OTUD7A: variants seen among roughly 807,000 people sequenced by gnomAD.
The protein encoded by OTUD7A is OTU deubiquitinase 7A.
Under a neutral mutation model 65.7 loss-of-function variants are expected in OTUD7A, and 12 were observed. That is an observed-to-expected ratio of 0.18 (90% CI 0.12 to 0.30). OTUD7A has a LOEUF of 0.30. Ranked by LOEUF, OTUD7A falls within the 10% of genes least tolerant of loss-of-function variation. OTUD7A has a pLI of 1.00. For missense variants in OTUD7A, 1,148 were observed against 1,304.8 expected (o/e 0.88, Z 1.85); for synonymous variants, 641 against 586.3 (o/e 1.09, Z -1.35).
rs2041159452 is a variant in OTUD7A, at chr15:31,483,215, G to A, written c.*79C>T. 2.9e-6 allele frequency: 3 copies of A among 1,037,408 alleles called. No homozygotes were observed. Among genetic ancestry groups the A allele is most frequent in the Non-Finnish European group, 2.3e-6 (2 of 863,610 alleles). The allele number at this position is 1,037,408 out of a possible 1,614,324, so 64.3% of individuals were successfully genotyped here. The stretch of plus-strand genomic sequence containing the variant: ...GGCGCCGGCCTTCCGGTGGACCAGG[G>A]CATGTAAAAAAGACACCGACACAAT... On this transcript the variant is annotated 3_prime_UTR_variant, in exon 13 of 13. Coordinates refer to ENST00000307050, the MANE Select transcript of OTUD7A (RefSeq NM_001382637.1).
At chr15:31,605,326 T>C (rs1466989860) in intron 3 of OTUD7A, among the ~76,000 whole-genome samples, 2 of 152,110 alleles carry the variant, frequency 1.3e-5, no homozygotes, top group African/African-American at 2.4e-5. Context: ...GGACCCTGCA[T>C]CAAAGGAATG....
At chr15:31,584,524 G>T (rs1008967943) in intron 3 of OTUD7A, among the ~76,000 whole-genome samples, 2 of 152,216 alleles carry the variant, frequency 1.3e-5, no homozygotes, top group Non-Finnish European at 2.9e-5. Flanking sequence ...TGCCTGAGCA[G>T]ACAAGTTACA....
chr15:31,612,486 T>C (rs1453566738), intron 3 of OTUD7A, among the ~76,000 whole-genome samples: 2 of 152,188 alleles, frequency 1.3e-5, no homozygotes, highest in Non-Finnish European at 2.9e-5. Flanking sequence ...TTGGTAACTC[T>C]TCTATATACC....
rs1364474137 is a variant in OTUD7A, at chr15:31,481,035, T to C, written c.*2259A>G. On this transcript the variant is annotated 3_prime_UTR_variant, in exon 13 of 13. Coordinates refer to ENST00000307050, the MANE Select transcript of OTUD7A (RefSeq NM_001382637.1). The stretch of plus-strand genomic sequence containing the variant: ...GCCTGGTTTGGAAGGTTTTCCTCTA[T>C]TACAATGGACGGTTTTTATTCTGTT... The C allele has an allele frequency of 2.0e-5, 3 of 152,268 alleles. No individual in the cohort carries two copies. The highest frequency in any genetic ancestry group is 7.2e-5 in the African/African-American group (3 of 41,476). 9.4% of individuals were successfully genotyped at this position (152,268 alleles called of 1,614,324 possible). A position where few individuals can be genotyped will look rare whatever the true frequency, so the allele number is the denominator to read the frequency against.
intron 1 of OTUD7A, among the ~76,000 whole-genome samples, chr15:31,753,929 A>G (rs1260010054): frequency 6.6e-6 from 1 of 151,748 alleles, no homozygotes; most frequent in Non-Finnish European, 1.5e-5. Flanking sequence ...TAGTTCTTTA[A>G]GGAATCTCCA....
chr15:31,638,623 T>C (rs1040074522), intron 3 of OTUD7A, among the ~76,000 whole-genome samples: 2 of 151,864 alleles, frequency 1.3e-5, no homozygotes, highest in Admixed American at 1.3e-4. Flanking sequence ...TCTGGAACTC[T>C]GGGCTCAAGC....
rs552161935 is a variant in OTUD7A at position 31,777,151 on chromosome 15, A to G, written c.-100+93356T>C. 9.7e-4 allele frequency among the ~76,000 whole-genome samples: 148 copies of G among 152,128 alleles called. 1 individual carries two copies. The highest frequency in any genetic ancestry group is 1.5e-3 in the Non-Finnish European group (102 of 68,010). On this transcript the variant is annotated intron_variant, in intron 1 of 12. Transcript: ENST00000307050. ...TCAGGTGCTGGCAGAGTAAGTCTGA[A>G]CAGGGCCCTGCTCCTGGTTCATACA...
At chr15:31,629,410 C>T (rs1595669420) in intron 3 of OTUD7A, among the ~76,000 whole-genome samples, 2 of 152,242 alleles carry the variant, frequency 1.3e-5, no homozygotes, top group South Asian at 2.1e-4. Flanking sequence ...GATTTGTGTA[C>T]ATTTAACCAG....
In OTUD7A at chr15:31,487,462, G is replaced by C. The variant is rs770581311; in HGVS notation, c.1276C>G (p.Arg426Gly). The change falls in exon 11 of 13, where the codon CGG becomes GGG. Residue 426 changes from arginine (R) to glycine (G), a missense_variant. Transcript: ENST00000307050. The surrounding 1 kb of genome is among the most constrained non-coding windows in gnomAD (Gnocchi z 6.0). ...AGAGTAGGATCTTACTGGGCCAGCCGGGCGTTATCGTTGTCGTCTTTCCCC... is the reference window on the plus strand; with the variant it reads ...AGAGTAGGATCTTACTGGGCCAGCCCGGCGTTATCGTTGTCGTCTTTCCCC... ...EWGKDDNDNA[R>G]LAHLILSLEA... The C allele has an allele frequency of 6.2e-7, 1 of 1,613,898 alleles. No homozygotes were observed. The highest frequency in any genetic ancestry group is 2.2e-5 in the East Asian group (1 of 44,870).
chr15:31,661,128 T>G (rs900890507), intron 1 of OTUD7A, among the ~76,000 whole-genome samples: 21 of 152,250 alleles, frequency 1.4e-4, no homozygotes, highest in Non-Finnish European at 2.6e-4. Context: ...GCAAAACAAT[T>G]CCTTAGTTGA....
chr15:31,740,767 G>C (rs568149217), intron 1 of OTUD7A, among the ~76,000 whole-genome samples: 1 of 152,118 alleles, frequency 6.6e-6, no homozygotes, highest in African/African-American at 2.4e-5. Context: ...CAGACTGAAC[G>C]CAAGATTCAA....
chr15:31,540,658 T>C (rs1015185556), intron 5 of OTUD7A, among the ~76,000 whole-genome samples: 8 of 152,206 alleles, frequency 5.3e-5, no homozygotes, highest in Non-Finnish European at 8.8e-5. Context: ...GCGTGGCATA[T>C]AGAAAGCCCC....
At chr15:31,574,336 T>C (rs950416029) in intron 3 of OTUD7A, among the ~76,000 whole-genome samples, 2 of 152,132 alleles carry the variant, frequency 1.3e-5, no homozygotes, top group Admixed American at 1.3e-4. Context: ...ACCAACCGTA[T>C]CTGTGAGAGC....
chr15:31,586,264 C>T (rs1889533843), intron 3 of OTUD7A, among the ~76,000 whole-genome samples: 1 of 152,222 alleles, frequency 6.6e-6, no homozygotes, highest in South Asian at 2.1e-4. Context: ...CTTTTATAGT[C>T]AATTTCTTTA....
intron 8 of OTUD7A, among the ~76,000 whole-genome samples, chr15:31,519,846 T>C (rs1009555586): frequency 2.0e-5 from 3 of 152,226 alleles, no homozygotes; most frequent in Non-Finnish European, 2.9e-5. Context: ...AGCATTTCTA[T>C]ATACCAGTAA....
intron 3 of OTUD7A, among the ~76,000 whole-genome samples, chr15:31,638,275 T>C (rs1891399789): frequency 6.6e-6 from 1 of 152,212 alleles, no homozygotes; most frequent in Non-Finnish European, 1.5e-5. Context: ...AGATGATTGT[T>C]AGCATTTTTG....
intron 1 of OTUD7A, among the ~76,000 whole-genome samples, chr15:31,828,428 G>A (rs186285387): frequency 1.6e-4 from 25 of 152,134 alleles, no homozygotes; most frequent in African/African-American, 7.2e-5. Context: ...ATTAGCATAC[G>A]CATCAAACAT....
chr15:31,547,483 C>T (rs1049691538), intron 5 of OTUD7A, among the ~76,000 whole-genome samples: 2 of 152,186 alleles, frequency 1.3e-5, no homozygotes, highest in African/African-American at 4.8e-5. Flanking sequence ...TTAACTCCCA[C>T]CTGAACACAT....
At chr15:31,527,927 G>C (rs746628243) in intron 6 of OTUD7A, among the ~76,000 whole-genome samples, 1 of 152,246 alleles carries the variant, frequency 6.6e-6, no homozygotes, top group African/African-American at 2.4e-5. Flanking sequence ...GCTCTGGGCA[G>C]CTTAGATGTG....
Sources: allele counts gnomAD v4.1 joint callset (sites outside exome capture counted in the v4.1 genomes callset), GRCh38; gene constraint gnomAD v4.1.1; non-coding constraint Gnocchi (gnomAD v3.1); transcripts MANE v1.5; gene names NCBI Gene and HGNC (gene_info 2026-07-23, HGNC 2026-07-21).